FGF12: variants seen among roughly 807,000 people sequenced by gnomAD.
The protein encoded by FGF12 is fibroblast growth factor 12.
Under a neutral mutation model 23.6 loss-of-function variants are expected in FGF12, and 14 were observed. The ratio of observed to expected loss-of-function variants is 0.59; its 90% CI spans 0.39 to 0.93. FGF12 has a LOEUF of 0.93. FGF12 is among the 40% of genes least tolerant of loss of function. FGF12 has a pLI of 0.00. For synonymous variants in FGF12, 62 were observed against 77.3 expected (o/e 0.80, Z 1.04); for missense variants, 175 against 217.8 (o/e 0.80, Z 1.24).
chr3:192,374,229 T>A (rs1719370839), intron 2 of FGF12, among the ~76,000 whole-genome samples: 1 of 152,200 alleles, frequency 6.6e-6, no homozygotes, highest in Non-Finnish European at 1.5e-5. Context: ...AATTTTAGAA[T>A]CTCTGTGTTT....
rs546213411 is a variant in FGF12, at chr3:192,506,525, T to G, written c.14-145987A>C. Among the ~76,000 whole-genome samples the G allele has an allele frequency of 2.0e-5, 3 of 152,030 alleles. No individual in the cohort carries two copies. In the East Asian group the frequency reaches 5.9e-4, roughly 30 times the overall value. The stretch of plus-strand genomic sequence containing the variant: ...AGCTGGGATTATAGCTGCGCAACAC[T>G]GCAACCAGCTAATTTTTTGTATTTT... On this transcript the variant is annotated intron_variant, in intron 2 of 5. Coordinates refer to ENST00000445105, the MANE Select transcript of FGF12 (RefSeq NM_004113.6).
chr3:192,256,391 G>A (rs907688308), intron 4 of FGF12, among the ~76,000 whole-genome samples: 1 of 148,168 alleles, frequency 6.7e-6, no homozygotes, highest in African/African-American at 2.5e-5. Flanking sequence ...ACACACACAC[G>A]TAAACCTATA....
At chr3:192,654,407 G>T (rs1031556612) in intron 2 of FGF12, among the ~76,000 whole-genome samples, 3 of 117,242 alleles carry the variant, frequency 2.6e-5, no homozygotes, top group Non-Finnish European at 5.6e-5. Context: ...ATCTGATCTG[G>T]ATCTAAATGA....
intron 2 of FGF12, among the ~76,000 whole-genome samples, chr3:192,641,401 G>A (rs1361013094): frequency 2.8e-5 from 1 of 35,282 alleles, no homozygotes; most frequent in South Asian, 1.3e-3. Flanking sequence ...CACCGCGCCC[G>A]GCCTTTTTTT....
At position 192,360,167 on chromosome 3, in the gene FGF12, C is replaced by T. The variant is rs1301716871; in HGVS notation, c.124+261G>A. On this transcript the variant is annotated intron_variant, in intron 3 of 5. Transcript: ENST00000445105. This position sits in a 1 kb window ranked among gnomAD's most constrained non-coding sequence, Gnocchi z 4.3. Reference sequence around the variant, plus strand: ...TGTATCATCATGCTGCCTAAAAACACTGTGATGGGAGTATATTCTTGCCCA... The same window carrying T: ...TGTATCATCATGCTGCCTAAAAACATTGTGATGGGAGTATATTCTTGCCCA... Among the ~76,000 whole-genome samples the T allele has an allele frequency of 1.3e-5, 2 of 152,114 alleles. No homozygotes were observed. The highest frequency in any genetic ancestry group is 2.9e-5 in the Non-Finnish European group (2 of 68,020).
rs1188077596 is a variant in FGF12 at position 192,514,617 on chromosome 3, A to G, written c.14-154079T>C. 2 of 843,710 alleles carry G rather than the reference A, an allele frequency of 2.4e-6. No individual in the cohort carries two copies. The highest frequency in any genetic ancestry group is 2.9e-6 in the Non-Finnish European group (2 of 700,720). 52.3% of individuals were successfully genotyped at this position (843,710 alleles called of 1,614,324 possible). On this transcript the variant is annotated intron_variant, in intron 2 of 5. Coordinates refer to ENST00000445105, the MANE Select transcript of FGF12 (RefSeq NM_004113.6). This position sits in a 1 kb window ranked among gnomAD's most constrained non-coding sequence, Gnocchi z 4.9. ...GGCGGAGAGGGCCCCGGAAGAAGGG[A>G]AGGGGGCATTCTGCAGTGTTTGGGG...
chr3:192,693,403 T>C (rs1560196447), intron 2 of FGF12, among the ~76,000 whole-genome samples: 1 of 152,140 alleles, frequency 6.6e-6, no homozygotes, highest in Non-Finnish European at 1.5e-5. Flanking sequence ...TTCATGGAAA[T>C]TGGAAAATTA....
intron 2 of FGF12, among the ~76,000 whole-genome samples, chr3:192,427,659 T>G (rs1231269600): frequency 6.6e-6 from 1 of 152,164 alleles, no homozygotes; most frequent in African/African-American, 2.4e-5. Context: ...TGCCCAGTAG[T>G]ATGTGTTTCT....
Position 192,514,534 on chromosome 3 carries a change from C to G in FGF12, c.14-153996G>C, listed in dbSNP as rs1342866464. 1.2e-5 allele frequency: 3 copies of G among 242,118 alleles called. No individual in the cohort carries two copies. Among genetic ancestry groups the G allele is most frequent in the South Asian group, 1.5e-4 (1 of 6,696 alleles). The allele number at this position is 242,118 out of a possible 1,614,324, so 15.0% of individuals were successfully genotyped here. A position where few individuals can be genotyped will look rare whatever the true frequency, so the allele number is the denominator to read the frequency against. ...CCAGCGGAGGGGCCCTGACCTCGCC[C>G]CAGTCGGGAAACGCCTTCCCTCCGC... is the stretch of plus-strand genomic sequence containing the variant. On this transcript the variant is annotated intron_variant, in intron 2 of 5. Transcript: ENST00000445105. The surrounding 1 kb of genome is among the most constrained non-coding windows in gnomAD (Gnocchi z 4.9).
chr3:192,681,765 T>A (rs62294807), intron 2 of FGF12, among the ~76,000 whole-genome samples: 1 of 29,916 alleles, frequency 3.3e-5, no homozygotes, highest in African/African-American at 2.5e-4. Flanking sequence ...TGATGTATGC[T>A]CATCACCCAG....
intron 4 of FGF12, among the ~76,000 whole-genome samples, chr3:192,210,432 G>T (rs1012014225): frequency 6.6e-6 from 1 of 152,220 alleles, no homozygotes; most frequent in African/African-American, 2.4e-5. Context: ...GCCAAGAGTA[G>T]TTCATGTCCC....
At chr3:192,198,602 G>A (rs971826829) in intron 4 of FGF12, among the ~76,000 whole-genome samples, 6 of 152,184 alleles carry the variant, frequency 3.9e-5, no homozygotes, top group African/African-American at 1.4e-4. Context: ...AAAATAGACT[G>A]CTGAGGATAT....
In FGF12 at chr3:192,144,102, T is replaced by G; in HGVS notation, c.453A>C (p.Leu151=). 1 of 1,613,132 alleles carries G rather than the reference T, an allele frequency of 6.2e-7. No individual in the cohort carries two copies. The highest frequency in any genetic ancestry group is 8.5e-7 in the Non-Finnish European group (1 of 1,179,112). Residue 151 remains leucine (L), a synonymous_variant, in exon 6 of 6, where the codon CTA becomes CTC. Coordinates refer to ENST00000445105, the MANE Select transcript of FGF12 (RefSeq NM_004113.6). ...GCCCTTGTTTTTCTCCAATTTCATGTAGCGATGGTTCTCTGTACATACACA... is the reference window on the plus strand; with the variant it reads ...GCCCTTGTTTTTCTCCAATTTCATGGAGCGATGGTTCTCTGTACATACACA... ...IEVCMYREPS[L]HEIGEKQGRS...
intron 4 of FGF12, among the ~76,000 whole-genome samples, chr3:192,302,757 C>T (rs937061131): frequency 1.3e-5 from 2 of 152,184 alleles, no homozygotes; most frequent in African/African-American, 4.8e-5. Flanking sequence ...GGGAGAGGTA[C>T]ATGTGGAAAG....
chr3:192,372,074 G>A (rs1719258489), intron 2 of FGF12, among the ~76,000 whole-genome samples: 1 of 152,142 alleles, frequency 6.6e-6, no homozygotes, highest in East Asian at 1.9e-4. Flanking sequence ...CACAGAAAGT[G>A]TTCTGTAATA....
At chr3:192,489,318 T>G (rs1270470228) in intron 2 of FGF12, among the ~76,000 whole-genome samples, 7 of 151,994 alleles carry the variant, frequency 4.6e-5, no homozygotes, top group Non-Finnish European at 1.0e-4. Context: ...TTTTTTTAAT[T>G]CTCTATGTGA....
At chr3:192,602,369 G>T (rs1055132494) in intron 2 of FGF12, among the ~76,000 whole-genome samples, 2 of 152,120 alleles carry the variant, frequency 1.3e-5, no homozygotes, top group African/African-American at 4.8e-5. Flanking sequence ...AGGGGTATTT[G>T]AGACATCATG....
intron 2 of FGF12, among the ~76,000 whole-genome samples, chr3:192,613,516 C>G (rs773046757): frequency 6.6e-6 from 1 of 151,856 alleles, no homozygotes; most frequent in Admixed American, 6.6e-5. Flanking sequence ...GTTCGGAGAA[C>G]ATGTAATAAA....
intron 2 of FGF12, among the ~76,000 whole-genome samples, chr3:192,432,427 T>G (rs1225928677): frequency 1.3e-5 from 2 of 151,836 alleles, no homozygotes; most frequent in African/African-American, 4.8e-5. Flanking sequence ...CCACTCCCCT[T>G]CGACATAAGT....
Sources: allele counts gnomAD v4.1 joint callset (sites outside exome capture counted in the v4.1 genomes callset), GRCh38; gene constraint gnomAD v4.1.1; non-coding constraint Gnocchi (gnomAD v3.1); transcripts MANE v1.5; gene names NCBI Gene and HGNC (gene_info 2026-07-23, HGNC 2026-07-21).